Variants in EPHA8 observed in about 807,000 individuals in gnomAD.
The protein encoded by EPHA8 is EPH receptor A8, also known as ephrin type-A receptor 8.
Under a neutral mutation model 103.6 loss-of-function variants are expected in EPHA8, and 58 were observed. That is an observed-to-expected ratio of 0.56 (90% CI 0.45 to 0.70). The LOEUF (loss-of-function observed/expected upper bound fraction) is 0.70, where lower values mean the gene tolerates loss of function less well. Among genes scored for constraint, EPHA8 ranks in the 30% least tolerant of loss-of-function variants. The pLI is 0.00. For missense variants in EPHA8, 1,304 were observed against 1,395.2 expected (o/e 0.93, Z 1.04); for synonymous variants, 559 against 572.5 (o/e 0.98, Z 0.34).
In EPHA8 at chr1:22,601,825, C is replaced by A; in HGVS notation, c.*84C>A. Reference sequence around the variant, plus strand: ...GAGGACGTGAGGGGCTGGCAGCAGGCAGGGCGGCCCCAGGCCTCTGCCCTC... The same window carrying A: ...GAGGACGTGAGGGGCTGGCAGCAGGAAGGGCGGCCCCAGGCCTCTGCCCTC... On this transcript the variant is annotated 3_prime_UTR_variant, in exon 17 of 17. Coordinates refer to ENST00000166244, the MANE Select transcript of EPHA8 (RefSeq NM_020526.5). 2.3e-6 allele frequency: 3 copies of A among 1,318,414 alleles called. No individual in the cohort carries two copies. Among genetic ancestry groups the A allele is most frequent in the Non-Finnish European group, 3.1e-6 (3 of 952,426 alleles). The allele number at this position is 1,318,414 out of a possible 1,614,324, so 81.7% of individuals were successfully genotyped here.
chr1:22,580,516 C>A (rs1327140634), intron 3 of EPHA8, among the ~76,000 whole-genome samples: 1 of 152,118 alleles, frequency 6.6e-6, no homozygotes, highest in Non-Finnish European at 1.5e-5. Flanking sequence ...AGCTCTAAAC[C>A]CCAAAGCACC....
intron 13 of EPHA8, among the ~76,000 whole-genome samples, 190 bp from the exon 14 acceptor site, chr1:22,600,471 C>T (rs1641691758): frequency 6.6e-6 from 1 of 152,022 alleles, no homozygotes; most frequent in Non-Finnish European, 1.5e-5. Flanking sequence ...CGTCTCACTC[C>T]CTCCTTCCTT....
chr1:22,602,543 G>C lies in EPHA8; in HGVS notation c.*802G>C, dbSNP rs1641769475. On this transcript the variant is annotated 3_prime_UTR_variant, in exon 17 of 17. Coordinates refer to ENST00000166244, the MANE Select transcript of EPHA8 (RefSeq NM_020526.5). ...GCCTTCATGGAGGCATCATGGCAGAGCACATGAGATGTCCTCAGCTGGGCT... is the reference window on the plus strand; with the variant it reads ...GCCTTCATGGAGGCATCATGGCAGACCACATGAGATGTCCTCAGCTGGGCT... The C allele has an allele frequency of 6.5e-6, 1 of 152,892 alleles. No individual in the cohort carries two copies. Among genetic ancestry groups the C allele is most frequent in the South Asian group, 2.1e-4 (1 of 4,840 alleles). 9.5% of individuals were successfully genotyped at this position (152,892 alleles called of 1,614,324 possible). A position where few individuals can be genotyped will look rare whatever the true frequency, so the allele number is the denominator to read the frequency against.
intron 4 of EPHA8, 128 bp downstream of exon 4, chr1:22,586,763 C>A: frequency 8.3e-7 from 1 of 1,205,732 alleles, no homozygotes; most frequent in Non-Finnish European, 1.1e-6. Context: ...TCTCTTGAGC[C>A]AGAGGCCAGT....
At chr1:22,594,371 C>T (rs752813712) in intron 7 of EPHA8, among the ~76,000 whole-genome samples, 3 of 152,248 alleles carry the variant, frequency 2.0e-5, no homozygotes, top group Non-Finnish European at 4.4e-5. Flanking sequence ...ATGGCTGGTA[C>T]TGAGATGAGT....
intron 3 of EPHA8, among the ~76,000 whole-genome samples, chr1:22,578,271 TGA>T (rs1282265746): frequency 3.3e-5 from 5 of 150,498 alleles, no homozygotes; most frequent in Admixed American, 6.6e-5. Context: ...CGTGTGTGCA[TGA>T]GTGCATGTGT....
At chr1:22,590,580 G>A (rs921807647) in intron 5 of EPHA8, among the ~76,000 whole-genome samples, 7 of 151,846 alleles carry the variant, frequency 4.6e-5, no homozygotes, top group South Asian at 4.2e-4. Flanking sequence ...CCCAGCCCAC[G>A]CCCATTTTCC....
In EPHA8 at chr1:22,598,129, C is replaced by T; in HGVS notation, c.2117-22C>T. On this transcript the variant is annotated intron_variant, in intron 11 of 16. Transcript: ENST00000166244. This position sits in a 1 kb window ranked among gnomAD's most constrained non-coding sequence, Gnocchi z 5.1. ...CCCTGAGCCCCAAACCAAGAGCCAC[C>T]CTCTCCCTACTGCCCGCCCAGGCCG... The T allele has an allele frequency of 6.2e-7, 1 of 1,612,972 alleles. No individual in the cohort carries two copies. Among genetic ancestry groups the T allele is most frequent in the South Asian group, 1.1e-5 (1 of 91,066 alleles).
At chr1:22,570,081 G>C (rs1206011696) in intron 2 of EPHA8, among the ~76,000 whole-genome samples, 1 of 152,218 alleles carries the variant, frequency 6.6e-6, no homozygotes, top group African/African-American at 2.4e-5. Context: ...GTCTGCGCCA[G>C]GGTGAGAGCA....
rs371914492 is a variant in EPHA8 at position 22,578,791 on chromosome 1, ATG to A, written c.823+1916_823+1917del. ...TGTATGTGTACGTGTGGGCATATGT[ATG>A]TGTGCGTGTGTGCATGTATGTGTAC... On this transcript the variant is annotated intron_variant, in intron 3 of 16. Coordinates refer to ENST00000166244, the MANE Select transcript of EPHA8 (RefSeq NM_020526.5). Among the ~76,000 whole-genome samples, 19 of 147,078 alleles carry A rather than the reference ATG, an allele frequency of 1.3e-4. No homozygotes were observed. The East Asian group carries it at 3.1e-3, about 24-fold the overall frequency.
chr1:22,578,903 GTGTA>G (rs1433537732), intron 3 of EPHA8, among the ~76,000 whole-genome samples: 2 of 138,074 alleles, frequency 1.4e-5, no homozygotes, highest in African/African-American at 2.7e-5. Flanking sequence ...ATGTGTGCAT[GTGTA>G]TGTATGCATG....
Position 22,569,725 on chromosome 1 carries a change from C to T in EPHA8, c.159+372C>T, listed in dbSNP as rs779507866. ...AGCTGCCCTGGCCTCACCAGTCCTCCGACCTCTGGAGTCTCTGCTTGTCTG... is the reference window on the plus strand; with the variant it reads ...AGCTGCCCTGGCCTCACCAGTCCTCTGACCTCTGGAGTCTCTGCTTGTCTG... On this transcript the variant is annotated intron_variant, in intron 2 of 16. Transcript: ENST00000166244. This position sits in a 1 kb window ranked among gnomAD's most constrained non-coding sequence, Gnocchi z 4.5. Among the ~76,000 whole-genome samples the T allele has an allele frequency of 1.3e-5, 2 of 152,064 alleles. No homozygotes were observed. Among genetic ancestry groups the T allele is most frequent in the East Asian group, 1.9e-4 (1 of 5,170 alleles).
chr1:22,586,200 A>G (rs1230609076), intron 3 of EPHA8, among the ~76,000 whole-genome samples: 1 of 152,174 alleles, frequency 6.6e-6, no homozygotes, highest in Middle Eastern at 3.4e-3. Flanking sequence ...GAATTTGGAG[A>G]TGCTCAGGGG....
chr1:22,573,245 C>T (rs953118859), intron 2 of EPHA8, among the ~76,000 whole-genome samples: 3 of 152,106 alleles, frequency 2.0e-5, no homozygotes, highest in African/African-American at 2.4e-5. Context: ...TGGAGGCAGG[C>T]GCGGTAGGCT....
At chr1:22,586,409 A>C (rs1035664589) in intron 3 of EPHA8, 71 bp from the exon 4 acceptor site, 11 of 1,551,880 alleles carry the variant, frequency 7.1e-6, no homozygotes, top group African/African-American at 1.4e-5. Context: ...TGTGGGCCAC[A>C]GTGTGAGCGG....
At chr1:22,571,434 C>T (rs903695990) in intron 2 of EPHA8, among the ~76,000 whole-genome samples, 1 of 152,184 alleles carries the variant, frequency 6.6e-6, no homozygotes, top group African/African-American at 2.4e-5. Context: ...TGATGGCAAG[C>T]TGGGACTCAA....
In EPHA8 at chr1:22,589,302, T is replaced by C. The variant is rs1235334838; in HGVS notation, c.1315+96T>C. On this transcript the variant is annotated intron_variant, in intron 5 of 16. Coordinates refer to ENST00000166244, the MANE Select transcript of EPHA8 (RefSeq NM_020526.5). The surrounding 1 kb of genome is among the most constrained non-coding windows in gnomAD (Gnocchi z 4.3). ...TCAGAGCTCTGCCGGGGACGTGCTG[T>C]GGGCCTTTAGGCAAGTGCCTCTCTG... 1 of 1,612,620 alleles carries C rather than the reference T, an allele frequency of 6.2e-7. No individual in the cohort carries two copies. The highest frequency in any genetic ancestry group is 2.2e-5 in the East Asian group (1 of 44,862).
At chr1:22,600,014 AAGG>A (rs533070115) in intron 13 of EPHA8, among the ~76,000 whole-genome samples, 83 of 116,178 alleles carry the variant, frequency 7.1e-4, no homozygotes, top group Admixed American at 6.1e-4. Flanking sequence ...GGAGGGAAGG[AAGG>A]AGGGAAGGGA....
At chr1:22,593,051 G>C (rs1314967747) in intron 5 of EPHA8, among the ~76,000 whole-genome samples, 1 of 152,156 alleles carries the variant, frequency 6.6e-6, no homozygotes, top group African/African-American at 2.4e-5. Flanking sequence ...CCGGGCCCTG[G>C]GCTGGGGAGG....
Sources: allele counts gnomAD v4.1 joint callset (sites outside exome capture counted in the v4.1 genomes callset), GRCh38; gene constraint gnomAD v4.1.1; non-coding constraint Gnocchi (gnomAD v3.1); transcripts MANE v1.5; gene names NCBI Gene and HGNC (gene_info 2026-07-23, HGNC 2026-07-21).